The following MTUS2 variants were observed in gnomAD, a reference collection of about 807,000 sequenced individuals.
MTUS2 encodes microtubule associated scaffold protein 2.
MTUS2 carries 40 observed loss-of-function variants against 114.1 expected under a neutral mutation model. The ratio of observed to expected loss-of-function variants is 0.35; its 90% CI spans 0.27 to 0.46. MTUS2 has a LOEUF of 0.46. Ranked by LOEUF, MTUS2 falls within the 20% of genes least tolerant of loss-of-function variation. MTUS2 has a pLI of 1.00. For synonymous variants in MTUS2, 688 were observed against 672.0 expected, an observed-to-expected ratio of 1.02 and a Z score of -0.37; for missense variants, 1,679 against 1,705.4, an observed-to-expected ratio of 0.98 and a Z score of 0.27.
intron 5 of MTUS2, among the ~76,000 whole-genome samples, chr13:29,145,087 C>T (rs1443456101): frequency 6.6e-6 from 1 of 152,148 alleles, no homozygotes; most frequent in Non-Finnish European, 1.5e-5. Context: ...TATTAAATTG[C>T]CCTTTAGTGT....
chr13:29,270,157 A>G (rs1228146047), intron 5 of MTUS2, among the ~76,000 whole-genome samples: 1 of 152,176 alleles, frequency 6.6e-6, no homozygotes, highest in Non-Finnish European at 1.5e-5. Flanking sequence ...TCGAGTTAAC[A>G]AAGCAGGATT....
chr13:29,390,889 TCTC>T (rs1169887583), intron 8 of MTUS2, among the ~76,000 whole-genome samples: 1 of 150,982 alleles, frequency 6.6e-6, no homozygotes, highest in Non-Finnish European at 1.5e-5. Flanking sequence ...TTCAAGCAAT[TCTC>T]CTGCCTCAGC....
At chr13:29,108,580 G>A (rs1269387413) in intron 5 of MTUS2, among the ~76,000 whole-genome samples, 2 of 152,154 alleles carry the variant, frequency 1.3e-5, no homozygotes. Context: ...TCAGCGCCAG[G>A]GCTGCCATGA....
intron 10 of MTUS2, chr13:29,484,000 A>C (rs1255680941): frequency 6.6e-6 from 1 of 152,126 alleles, no homozygotes; most frequent in Non-Finnish European, 1.5e-5. Flanking sequence ...CCTTTGACCC[A>C]TTCCTCCAAG....
intron 7 of MTUS2, among the ~76,000 whole-genome samples, chr13:29,340,557 T>A (rs770951545): frequency 4.6e-5 from 7 of 152,138 alleles, no homozygotes; most frequent in Admixed American, 1.3e-4. Context: ...TGTTGATTTT[T>A]TGTGGATTTC....
intron 5 of MTUS2, among the ~76,000 whole-genome samples, chr13:29,221,408 TG>T (rs1895903170): frequency 6.6e-6 from 1 of 152,274 alleles, no homozygotes; most frequent in Admixed American, 6.5e-5. Context: ...AGACTTTTTT[TG>T]TGCCAACTAA....
chr13:29,022,916 G>A (rs1242716135), intron 2 of MTUS2, among the ~76,000 whole-genome samples: 1 of 152,142 alleles, frequency 6.6e-6, no homozygotes, highest in Non-Finnish European at 1.5e-5. Flanking sequence ...ATTCATTTGT[G>A]CTGCAAATAC....
chr13:29,359,863 G>A (rs922487970), intron 8 of MTUS2, among the ~76,000 whole-genome samples: 4 of 152,170 alleles, frequency 2.6e-5, no homozygotes, highest in Non-Finnish European at 5.9e-5. Context: ...AACAAAGGGA[G>A]ACAGGGCCCC....
intron 8 of MTUS2, among the ~76,000 whole-genome samples, chr13:29,381,909 T>C (rs900386412): frequency 6.6e-6 from 1 of 152,276 alleles, no homozygotes; most frequent in South Asian, 2.1e-4. Flanking sequence ...GACATGAAAG[T>C]TGGAAATACT....
chr13:29,255,637 GCA>G (rs1897262311), intron 5 of MTUS2, among the ~76,000 whole-genome samples: 1 of 151,812 alleles, frequency 6.6e-6, no homozygotes, highest in Admixed American at 6.6e-5. Context: ...AGATAGGAGA[GCA>G]CAGTTTCATG....
intron 5 of MTUS2, among the ~76,000 whole-genome samples, chr13:29,178,159 A>G (rs1893852868): frequency 6.6e-6 from 1 of 152,208 alleles, no homozygotes; most frequent in Non-Finnish European, 1.5e-5. Flanking sequence ...GGCATTTGGC[A>G]TATAGGTCTG....
At chr13:29,216,151 A>T (rs776944360) in intron 5 of MTUS2, among the ~76,000 whole-genome samples, 1 of 152,186 alleles carries the variant, frequency 6.6e-6, no homozygotes, top group Non-Finnish European at 1.5e-5. Flanking sequence ...ACCCAGTCCA[A>T]ACTTTCTGGC....
chr13:28,946,197 G>C (rs565697763), intron 2 of MTUS2, among the ~76,000 whole-genome samples: 1 of 152,226 alleles, frequency 6.6e-6, no homozygotes, highest in Non-Finnish European at 1.5e-5. Flanking sequence ...CATGTAGAAG[G>C]CCCTTTAAAT....
At chr13:29,223,940 A>C (rs1896006573) in intron 5 of MTUS2, among the ~76,000 whole-genome samples, 2 of 152,344 alleles carry the variant, frequency 1.3e-5, no homozygotes, top group Non-Finnish European at 1.5e-5. Context: ...CCTTGCACGG[A>C]ACCAGCGCCT....
At chr13:29,039,745 A>G (rs1887263792) in intron 4 of MTUS2, among the ~76,000 whole-genome samples, 2 of 152,206 alleles carry the variant, frequency 1.3e-5, no homozygotes, top group South Asian at 4.1e-4. Flanking sequence ...CAAATCATTT[A>G]CTCATATCAG....
At chr13:28,988,864 C>G (rs1884700594) in intron 2 of MTUS2, among the ~76,000 whole-genome samples, 1 of 151,904 alleles carries the variant, frequency 6.6e-6, no homozygotes. Flanking sequence ...CTATTTCCCC[C>G]CTGAATTTAA....
intron 5 of MTUS2, among the ~76,000 whole-genome samples, chr13:29,179,539 TC>T (rs1256934808): frequency 2.0e-4 from 30 of 152,296 alleles, no homozygotes; most frequent in African/African-American, 7.0e-4. Flanking sequence ...GTTTATACCT[TC>T]TATTCTCAGC....
chr13:29,298,653 A>T (rs1279504213), intron 6 of MTUS2, among the ~76,000 whole-genome samples: 1 of 152,214 alleles, frequency 6.6e-6, no homozygotes, highest in Non-Finnish European at 1.5e-5. Context: ...CAGTCTTAGG[A>T]AAAAACAAAG....
rs1382762148 is a variant in MTUS2 at position 29,025,435 on chromosome 13, C to T, written c.737C>T (p.Pro246Leu). The change falls in exon 3 of 16, where the codon CCA becomes CTA. Residue 246 changes from proline to leucine, a missense_variant. Transcript: ENST00000612955. ...GGAAAGAGTGTGCGTCATCCTAAAC[C>T]ATCTACCTCAGAAAGCAAGCAGAGC... ...SEGKSVRHPK[P>L]STSESKQSTP... 6.2e-7 allele frequency: 1 copy of T among 1,612,080 alleles called. No individual in the cohort carries two copies. Among genetic ancestry groups the T allele is most frequent in the South Asian group, 1.1e-5 (1 of 90,866 alleles).
Sources: gnomAD v4.1 joint callset for allele counts (sites outside exome capture counted in the v4.1 genomes callset) on GRCh38, gnomAD v4.1.1 for gene constraint, MANE v1.5 for transcripts, NCBI Gene and HGNC (gene_info 2026-07-23, HGNC 2026-07-21) for gene names.